Variants in KCNIP4 observed in about 807,000 individuals in gnomAD.
KCNIP4 encodes the protein Kv channel-interacting protein 4.
Under a neutral mutation model 34.0 loss-of-function variants are expected in KCNIP4, and 12 were observed. The observed-to-expected ratio is 0.35, with a 90% CI of 0.23 to 0.57. The LOEUF is 0.57. KCNIP4 is among the 20% of genes least tolerant of loss of function. The pLI, the probability that KCNIP4 is intolerant of heterozygous loss-of-function variation, is 0.83. For synonymous variants in KCNIP4, 124 were observed against 102.2 expected, an observed-to-expected ratio of 1.21 and a Z score of -1.29; for missense variants, 238 against 311.7, an observed-to-expected ratio of 0.76 and a Z score of 1.78.
chr4:21,356,345 G>C (rs968070983), intron 1 of KCNIP4, among the ~76,000 whole-genome samples: 5 of 151,646 alleles, frequency 3.3e-5, no homozygotes, highest in Admixed American at 3.3e-4. Flanking sequence ...AGAAAGAAAG[G>C]GTATTCAATT....
intron 1 of KCNIP4, among the ~76,000 whole-genome samples, chr4:21,357,823 A>G (rs1718797932): frequency 6.6e-6 from 1 of 152,204 alleles, no homozygotes; most frequent in Non-Finnish European, 1.5e-5. Flanking sequence ...TACTGGGTAT[A>G]TACCCAAAGG....
intron 1 of KCNIP4, among the ~76,000 whole-genome samples, chr4:21,209,038 T>C (rs1415530661): frequency 1.3e-5 from 2 of 152,176 alleles, no homozygotes; most frequent in African/African-American, 4.8e-5. Context: ...ACTCAGGGAT[T>C]ATAAGGATTA....
intron 1 of KCNIP4, among the ~76,000 whole-genome samples, chr4:21,533,194 T>C (rs1367078815): frequency 6.6e-6 from 1 of 152,092 alleles, no homozygotes; most frequent in Non-Finnish European, 1.5e-5. Flanking sequence ...ATAAAAGCTA[T>C]GAAATGCCAT....
chr4:21,280,150 G>T (rs1762689032), intron 1 of KCNIP4, among the ~76,000 whole-genome samples: 1 of 152,110 alleles, frequency 6.6e-6, no homozygotes, highest in East Asian at 1.9e-4. Context: ...AAAATGAAAT[G>T]AATCTATTCA....
At chr4:21,303,211 T>C (rs895012940) in intron 1 of KCNIP4, among the ~76,000 whole-genome samples, 2 of 152,188 alleles carry the variant, frequency 1.3e-5, no homozygotes, top group Admixed American at 6.5e-5. Context: ...TGAAAAACAA[T>C]TGGCTACCTG....
At chr4:21,782,755 A>T (rs1171961102) in intron 1 of KCNIP4, among the ~76,000 whole-genome samples, 8 of 152,162 alleles carry the variant, frequency 5.3e-5, no homozygotes, top group Admixed American at 5.2e-4. Context: ...TAGCCAAAAG[A>T]CTTGGAAACG....
intron 1 of KCNIP4, among the ~76,000 whole-genome samples, chr4:21,560,200 TC>T: frequency 6.6e-6 from 1 of 152,212 alleles, no homozygotes; most frequent in Non-Finnish European, 1.5e-5. Context: ...TTCACTTGTA[TC>T]CTGATGCAAA....
At chr4:21,875,639 C>A (rs1726069198) in intron 1 of KCNIP4, among the ~76,000 whole-genome samples, 2 of 152,060 alleles carry the variant, frequency 1.3e-5, no homozygotes, top group African/African-American at 4.8e-5. Context: ...GAAATCAATG[C>A]CTGTGTTCAG....
chr4:20,913,065 C>T (rs960238877), intron 1 of KCNIP4, among the ~76,000 whole-genome samples: 5 of 151,958 alleles, frequency 3.3e-5, no homozygotes, highest in Non-Finnish European at 7.4e-5. Context: ...ATGTTCCCAC[C>T]AAAACTTGTA....
At chr4:21,745,414 G>T (rs1716704563) in intron 1 of KCNIP4, among the ~76,000 whole-genome samples, 2 of 152,044 alleles carry the variant, frequency 1.3e-5, no homozygotes, top group African/African-American at 4.8e-5. Flanking sequence ...TTTAAGTGAG[G>T]TTATTGTTCC....
intron 3 of KCNIP4, among the ~76,000 whole-genome samples, chr4:20,779,525 A>G (rs1198128070): frequency 2.7e-5 from 4 of 150,438 alleles, no homozygotes; most frequent in Non-Finnish European, 5.9e-5. Context: ...CTCAAAATAT[A>G]TTGATAACCT....
intron 1 of KCNIP4, among the ~76,000 whole-genome samples, chr4:21,142,648 C>G (rs1485799278): frequency 1.3e-5 from 2 of 152,148 alleles, no homozygotes; most frequent in Admixed American, 6.5e-5. Flanking sequence ...TCCTATGTGT[C>G]TCCCGCCCTT....
At chr4:21,426,653 A>C (rs1451782331) in intron 1 of KCNIP4, among the ~76,000 whole-genome samples, 1 of 152,158 alleles carries the variant, frequency 6.6e-6, no homozygotes, top group Admixed American at 6.5e-5. Flanking sequence ...ATAAATCAAC[A>C]TTAAACATCG....
chr4:21,600,634 GTTC>G (rs1225542284), intron 1 of KCNIP4, among the ~76,000 whole-genome samples: 6 of 151,978 alleles, frequency 3.9e-5, no homozygotes, highest in South Asian at 2.1e-4. Flanking sequence ...TTCTCTTAAA[GTTC>G]TTCTTATTTT....
chr4:21,032,290 G>C (rs1741092319), intron 1 of KCNIP4, among the ~76,000 whole-genome samples: 2 of 152,142 alleles, frequency 1.3e-5, no homozygotes. Context: ...TAGAGGCTGA[G>C]AAGAGTCAAT....
chr4:21,234,315 T>C (rs1199309948), intron 1 of KCNIP4, among the ~76,000 whole-genome samples: 1 of 118,974 alleles, frequency 8.4e-6, no homozygotes, highest in Non-Finnish European at 1.6e-5. Flanking sequence ...ATATAACATA[T>C]ATATAACATA....
intron 1 of KCNIP4, among the ~76,000 whole-genome samples, chr4:21,202,058 A>G (rs900399107): frequency 6.6e-6 from 1 of 152,212 alleles, no homozygotes; most frequent in African/African-American, 2.4e-5. Context: ...GAGCAGTTGG[A>G]GATTTCTCAA....
At chr4:20,962,468 A>G (rs1431389275) in intron 1 of KCNIP4, among the ~76,000 whole-genome samples, 5 of 152,100 alleles carry the variant, frequency 3.3e-5, no homozygotes, top group Non-Finnish European at 5.9e-5. Flanking sequence ...TTTGTACAGA[A>G]CTGAGTAGGG....
chr4:21,685,468 GT>G (rs1750735701), intron 1 of KCNIP4, among the ~76,000 whole-genome samples: 1 of 152,142 alleles, frequency 6.6e-6, no homozygotes, highest in Admixed American at 6.5e-5. Context: ...TCTTTGCCAG[GT>G]CTAAGTGTTT....
Sources: allele counts gnomAD v4.1 joint callset (sites outside exome capture counted in the v4.1 genomes callset), GRCh38; gene constraint gnomAD v4.1.1; transcripts MANE v1.5; gene names NCBI Gene and HGNC (gene_info 2026-07-23, HGNC 2026-07-21).